Variants in APOBEC2 observed in about 807,000 individuals in gnomAD.
APOBEC2 encodes the protein apolipoprotein B mRNA editing enzyme catalytic subunit 2, also known as C->U-editing enzyme APOBEC-2.
Under a neutral mutation model 19.4 loss-of-function variants are expected in APOBEC2, and 14 were observed. The observed-to-expected ratio is 0.72, with a 90% CI of 0.48 to 1.13. The LOEUF is 1.13. APOBEC2 is among the 50% of genes most tolerant of loss of function. APOBEC2 has a pLI of 0.00. For missense variants in APOBEC2, 304 were observed against 277.0 expected (o/e 1.10, Z -0.69); for synonymous variants, 127 against 112.1 (o/e 1.13, Z -0.84).
At chr6:41,061,948 G>A in intron 2 of APOBEC2, 56 bp downstream of exon 2, 2 of 1,459,980 alleles carry the variant, frequency 1.4e-6, no homozygotes, top group South Asian at 1.3e-5. Context: ...TCCAGTAGAA[G>A]GTGTGAGGTC....
intron 1 of APOBEC2, among the ~76,000 whole-genome samples, chr6:41,054,246 GTCT>G (rs1248256820): frequency 1.3e-5 from 2 of 152,194 alleles, no homozygotes; most frequent in African/African-American, 4.8e-5. Flanking sequence ...AAACTAAGTA[GTCT>G]TCTTCCTCTT....
At chr6:41,057,970 G>C (rs1273320768) in intron 1 of APOBEC2, among the ~76,000 whole-genome samples, 7 of 152,154 alleles carry the variant, frequency 4.6e-5, no homozygotes, top group African/African-American at 1.7e-4. Context: ...GATGAAGTGT[G>C]ACTGGTCTTG....
Position 41,053,483 on chromosome 6 carries a change from G to A in APOBEC2, c.131+5G>A, listed in dbSNP as rs1259656848. ...GCCCTTTGAGATTGTCACAGGGTAA[G>A]CCTCAGATGTGGGTCAGGGTTCTGC... On this transcript the variant is annotated splice_donor_5th_base_variant and intron_variant, in intron 1 of 2. Coordinates refer to ENST00000244669, the MANE Select transcript of APOBEC2 (RefSeq NM_006789.4). 6.8e-6 allele frequency: 11 copies of A among 1,614,196 alleles called. No individual in the cohort carries two copies. The highest frequency in any genetic ancestry group is 9.3e-6 in the Non-Finnish European group (11 of 1,180,002).
At position 41,064,209 on chromosome 6, in the gene APOBEC2, T is replaced by C. The variant is rs535284963; in HGVS notation, c.*130T>C. 1.2e-4 allele frequency: 18 copies of C among 152,736 alleles called. No individual in the cohort carries two copies. The highest frequency in any genetic ancestry group is 4.3e-4 in the African/African-American group (18 of 41,550). The allele number at this position is 152,736 out of a possible 1,614,324, so 9.5% of individuals were successfully genotyped here. A position where few individuals can be genotyped will look rare whatever the true frequency, so the allele number is the denominator to read the frequency against. On this transcript the variant is annotated 3_prime_UTR_variant, in exon 3 of 3. Coordinates refer to ENST00000244669, the MANE Select transcript of APOBEC2 (RefSeq NM_006789.4). Reference sequence around the variant, plus strand: ...GACAACATTTGACACCAACCAATCATACTGGACAAGGCCCTTAGAGGACTT... The same window carrying C: ...GACAACATTTGACACCAACCAATCACACTGGACAAGGCCCTTAGAGGACTT...
At chr6:41,056,630 T>C (rs555094229) in intron 1 of APOBEC2, among the ~76,000 whole-genome samples, 2 of 152,326 alleles carry the variant, frequency 1.3e-5, no homozygotes, top group Admixed American at 1.3e-4. Context: ...GAATAAGAGT[T>C]TTTCATTTAC....
Position 41,053,351 on chromosome 6 carries a change from G to C in APOBEC2, c.4G>C (p.Ala2Pro). ...ACTCCTGAGCCACAGCCCCTCCATGGCCCAGAAGGAAGAGGCTGCTGTGGC... is the reference window on the plus strand; with the variant it reads ...ACTCCTGAGCCACAGCCCCTCCATGCCCCAGAAGGAAGAGGCTGCTGTGGC... M[A>P]QKEEAAVATE... Residue 2 changes from alanine (A) to proline (P), a missense_variant, in exon 1 of 3, where the codon GCC becomes CCC. Coordinates refer to ENST00000244669, the MANE Select transcript of APOBEC2 (RefSeq NM_006789.4). 6.2e-7 allele frequency: 1 copy of C among 1,613,028 alleles called. No homozygotes were observed.
chr6:41,057,006 G>T (rs1762805479), intron 1 of APOBEC2, among the ~76,000 whole-genome samples: 1 of 152,196 alleles, frequency 6.6e-6, no homozygotes. Flanking sequence ...AGTGACTGTG[G>T]CTCTGCCTGG....
intron 1 of APOBEC2, among the ~76,000 whole-genome samples, chr6:41,059,986 T>G (rs1002927236): frequency 1.3e-5 from 2 of 152,234 alleles, no homozygotes; most frequent in African/African-American, 4.8e-5. Context: ...TCTCCTCCTC[T>G]CTTGACATTT....
At chr6:41,057,367 G>C (rs555470319) in intron 1 of APOBEC2, among the ~76,000 whole-genome samples, 80 of 152,216 alleles carry the variant, frequency 5.3e-4, no homozygotes, top group Non-Finnish European at 8.1e-4. Flanking sequence ...CTTCCACAGA[G>C]GGTTGGGGGC....
rs1164035884 is a variant in APOBEC2, at chr6:41,064,717, T to C, written c.*638T>C. On this transcript the variant is annotated 3_prime_UTR_variant, in exon 3 of 3. Transcript: ENST00000244669. ...CTTTCCCTTCTCTGAAGGCAAGTAATAGGGCAGAAGGTGGAACAAAAAGCA... is the reference window on the plus strand; with the variant it reads ...CTTTCCCTTCTCTGAAGGCAAGTAACAGGGCAGAAGGTGGAACAAAAAGCA... 2 of 152,174 alleles carry C rather than the reference T, an allele frequency of 1.3e-5. No individual in the cohort carries two copies. The highest frequency in any genetic ancestry group is 1.9e-4 in the East Asian group (1 of 5,196). The allele number at this position is 152,174 out of a possible 1,614,324, so 9.4% of individuals were successfully genotyped here.
rs35589024 is a variant in APOBEC2, at chr6:41,064,470, T to TA, written c.*398dup. 2 of 152,042 alleles carry TA rather than the reference T, an allele frequency of 1.3e-5. No homozygotes were observed. Among genetic ancestry groups the TA allele is most frequent in the African/African-American group, 2.4e-5 (1 of 41,392 alleles). The allele number at this position is 152,042 out of a possible 1,614,324, so 9.4% of individuals were successfully genotyped here. ...TTTTATGTTAAGTTGGGTATTTTTT[T>TA]AAAAAAAGAAAAACAGCAACATTAA... On this transcript the variant is annotated 3_prime_UTR_variant, in exon 3 of 3. Transcript: ENST00000244669.
In APOBEC2 at chr6:41,061,545, T is replaced by C. The variant is rs1312576600; in HGVS notation, c.349T>C (p.Tyr117His). The C allele has an allele frequency of 6.2e-7, 1 of 1,614,200 alleles. No homozygotes were observed. The highest frequency in any genetic ancestry group is 1.1e-5 in the South Asian group (1 of 91,080). Residue 117 changes from tyrosine to histidine, a missense_variant, in exon 2 of 3, where the codon TAC becomes CAC. Coordinates refer to ENST00000244669, the MANE Select transcript of APOBEC2 (RefSeq NM_006789.4). ...GCCAGCCTTCGACCCAGCCCTGCGG[T>C]ACAATGTCACCTGGTATGTGTCCTC... ...ILPAFDPALR[Y>H]NVTWYVSSSP...
intron 1 of APOBEC2, among the ~76,000 whole-genome samples, chr6:41,055,957 T>C (rs1581988637): frequency 6.6e-6 from 1 of 152,166 alleles, no homozygotes. Context: ...ATCAGAGAGA[T>C]GAGTGTTACA....
intron 2 of APOBEC2, 104 bp downstream of exon 2, chr6:41,061,996 G>A (rs888258965): frequency 3.3e-5 from 37 of 1,112,046 alleles, no homozygotes; most frequent in African/African-American, 4.7e-5. Context: ...TCCTTTGGAA[G>A]GGTTTCATTT....
chr6:41,063,536 T>A (rs1281208955), intron 2 of APOBEC2, among the ~76,000 whole-genome samples: 2 of 62,266 alleles, frequency 3.2e-5, no homozygotes, highest in South Asian at 5.6e-4. Context: ...CCTTAGAGCT[T>A]TTTTTTTTTT....
At chr6:41,055,227 C>A (rs928026293) in intron 1 of APOBEC2, among the ~76,000 whole-genome samples, 2 of 152,120 alleles carry the variant, frequency 1.3e-5, no homozygotes, top group Non-Finnish European at 2.9e-5. Context: ...ATTCTGGATC[C>A]CAGGTTTCCC....
chr6:41,059,781 C>T (rs2395754), intron 1 of APOBEC2, among the ~76,000 whole-genome samples: 83,731 of 152,048 alleles, frequency 0.55, 24,775 homozygotes, highest in African/African-American at 0.78. Flanking sequence ...ATCTGCTGCT[C>T]ATCCCTAGGC....
At chr6:41,054,081 G>A (rs1007910553) in intron 1 of APOBEC2, among the ~76,000 whole-genome samples, 24 of 152,254 alleles carry the variant, frequency 1.6e-4, no homozygotes, top group African/African-American at 5.3e-4. Context: ...TGCAGATAAC[G>A]CAGCCCAGGA....
At chr6:41,061,927 AT>A in intron 2 of APOBEC2, 35 bp downstream of exon 2, 1 of 1,545,954 alleles carries the variant, frequency 6.5e-7, no homozygotes, top group Non-Finnish European at 8.7e-7. Context: ...CCAACACTTT[AT>A]TATGTTAACT....
Sources: gnomAD v4.1 joint callset for allele counts (sites outside exome capture counted in the v4.1 genomes callset) on GRCh38, gnomAD v4.1.1 for gene constraint, MANE v1.5 for transcripts, NCBI Gene and HGNC (gene_info 2026-07-23, HGNC 2026-07-21) for gene names.